Variants in MED13 observed in about 807,000 individuals in gnomAD.
MED13 encodes mediator of RNA polymerase II transcription subunit 13.
A neutral mutation model predicts 225.2 loss-of-function variants in MED13; 23 were observed. The ratio of observed to expected loss-of-function variants is 0.10; its 90% confidence interval spans 0.07 to 0.14. MED13 has a LOEUF of 0.14. Among genes scored for constraint, MED13 ranks in the 10% least tolerant of loss-of-function variants. The probability of loss-of-function intolerance (pLI) is 1.00; values close to 1 mark genes in which losing one functional copy is unlikely to be tolerated. For synonymous variants in MED13, 942 were observed against 889.2 expected (o/e 1.06, Z -1.06); for missense variants, 2,197 against 2,594.5 (o/e 0.85, Z 3.33).
In MED13 at chr17:62,065,172, G is replaced by A. The variant is rs1421697422; in HGVS notation, c.34C>T (p.Leu12=). ...SASFVPNGAS[L]EDCHCNLFCL... ...AAGAGGTTACAGTGACAATCTTCCAGGCTGGCCCCGTTCGGCACGAAGGAG... is the reference window on the plus strand; with the variant it reads ...AAGAGGTTACAGTGACAATCTTCCAAGCTGGCCCCGTTCGGCACGAAGGAG... The change falls in exon 1 of 30, where the codon CTG becomes TTG. Residue 12 remains leucine (L), a synonymous_variant. Transcript: ENST00000397786. 5 of 1,581,308 alleles carry A rather than the reference G, an allele frequency of 3.2e-6. No individual in the cohort carries two copies. The Admixed American group carries it at 7.1e-5, about 22-fold the overall frequency.
At chr17:61,966,301 T>C (rs971868011) in intron 19 of MED13, among the ~76,000 whole-genome samples, 161 bp downstream of exon 19, 2 of 152,178 alleles carry the variant, frequency 1.3e-5, no homozygotes, top group South Asian at 2.1e-4. Context: ...ACAGTCTCTA[T>C]GAAAACTACT....
intron 17 of MED13, among the ~76,000 whole-genome samples, chr17:61,968,643 CAA>C (rs1189493293): frequency 1.3e-5 from 2 of 151,722 alleles, no homozygotes; most frequent in Non-Finnish European, 2.9e-5. Flanking sequence ...ATTTAAATGT[CAA>C]AAGTTAATGA....
chr17:62,009,936 T>C (rs1165439436), intron 9 of MED13, among the ~76,000 whole-genome samples: 1 of 152,052 alleles, frequency 6.6e-6, no homozygotes, highest in East Asian at 1.9e-4. Context: ...AAGTACCAAA[T>C]TGAGGCCAGG....
intron 3 of MED13, among the ~76,000 whole-genome samples, chr17:62,037,927 G>C (rs1402473034): frequency 8.7e-6 from 1 of 115,264 alleles, no homozygotes; most frequent in African/African-American, 3.3e-5. Flanking sequence ...CTGCACTTCA[G>C]CCTGGGCAAC....
chr17:62,022,646 A>C (rs912441980), intron 8 of MED13, among the ~76,000 whole-genome samples: 2 of 152,182 alleles, frequency 1.3e-5, no homozygotes, highest in African/African-American at 4.8e-5. Flanking sequence ...GAGCTATATA[A>C]GTAACTAATA....
At chr17:62,056,327 T>C (rs2080996162) in intron 2 of MED13, among the ~76,000 whole-genome samples, 1 of 152,200 alleles carries the variant, frequency 6.6e-6, no homozygotes, top group Non-Finnish European at 1.5e-5. Flanking sequence ...CTATTTACAC[T>C]AATTGAAACA....
At chr17:61,967,444 T>C (rs538090106) in intron 18 of MED13, among the ~76,000 whole-genome samples, 85 of 152,244 alleles carry the variant, frequency 5.6e-4, no homozygotes, top group African/African-American at 2.0e-3. Context: ...AACATTCAGA[T>C]TGTATAAGGA....
chr17:61,963,700 C>G (rs1358166436), intron 20 of MED13, among the ~76,000 whole-genome samples: 4 of 152,084 alleles, frequency 2.6e-5, no homozygotes, highest in African/African-American at 4.8e-5. Flanking sequence ...TTTTACACTT[C>G]AAATCTATTC....
chr17:62,064,552 CTG>C (rs746936915), intron 1 of MED13, among the ~76,000 whole-genome samples: 9 of 152,176 alleles, frequency 5.9e-5, no homozygotes, highest in African/African-American at 1.9e-4. Flanking sequence ...AAATGGCAAA[CTG>C]TTTTCAAAGT....
intron 8 of MED13, among the ~76,000 whole-genome samples, chr17:62,016,885 CTGT>C (rs2080587294): frequency 6.6e-6 from 1 of 152,016 alleles, no homozygotes; most frequent in Non-Finnish European, 1.5e-5. Context: ...TGGCAGGCGC[CTGT>C]AATCCCAACT....
At chr17:62,016,593 G>A (rs1390724155) in intron 8 of MED13, among the ~76,000 whole-genome samples, 1 of 152,172 alleles carries the variant, frequency 6.6e-6, no homozygotes, top group Admixed American at 6.6e-5. Flanking sequence ...ATTGAGATGT[G>A]CTATAGATGT....
At chr17:61,957,086 G>A (rs1399534013) in intron 23 of MED13, among the ~76,000 whole-genome samples, 2 of 151,652 alleles carry the variant, frequency 1.3e-5, no homozygotes, top group Admixed American at 6.6e-5. Context: ...TCACTCTGTC[G>A]CCCAGGCTGG....
chr17:61,965,536 G>A, intron 19 of MED13, 68 bp from the exon 20 acceptor site: 1 of 1,398,880 alleles, frequency 7.1e-7, no homozygotes, highest in African/African-American at 1.4e-5. Context: ...AAATTCTACT[G>A]TGTAAACAGA....
chr17:62,005,677 A>C (rs1312820166), intron 9 of MED13: 2 of 152,236 alleles, frequency 1.3e-5, no homozygotes, highest in Non-Finnish European at 2.9e-5. Context: ...GGCCAGATGA[A>C]GCACAGGACT....
At chr17:61,996,400 T>C (rs2080347152) in intron 9 of MED13, among the ~76,000 whole-genome samples, 1 of 152,188 alleles carries the variant, frequency 6.6e-6, no homozygotes, top group Non-Finnish European at 1.5e-5. Flanking sequence ...GGCCAGAATC[T>C]TGCAATGACT....
At chr17:62,033,415 A>T (rs899259743) in intron 5 of MED13, among the ~76,000 whole-genome samples, 3 of 152,168 alleles carry the variant, frequency 2.0e-5, no homozygotes, top group South Asian at 2.1e-4. Context: ...TCCCTGCCCC[A>T]ATGACTTTGG....
At chr17:62,043,356 A>G (rs1169116316) in intron 3 of MED13, among the ~76,000 whole-genome samples, 2 of 152,054 alleles carry the variant, frequency 1.3e-5, no homozygotes, top group Non-Finnish European at 2.9e-5. Context: ...GATACATAAT[A>G]ATCTTGATGA....
chr17:61,986,262 C>T (rs984749189), intron 12 of MED13, among the ~76,000 whole-genome samples: 7 of 151,968 alleles, frequency 4.6e-5, no homozygotes, highest in African/African-American at 1.7e-4. Context: ...TACACACACA[C>T]ATATACACAC....
intron 23 of MED13, among the ~76,000 whole-genome samples, chr17:61,957,580 C>A (rs2079958307): frequency 6.6e-6 from 1 of 152,032 alleles, no homozygotes; most frequent in Non-Finnish European, 1.5e-5. Context: ...GAACTCCTGA[C>A]CTCGTGATCC....
Sources: gnomAD v4.1 joint callset for allele counts (sites outside exome capture counted in the v4.1 genomes callset) on GRCh38, gnomAD v4.1.1 for gene constraint, MANE v1.5 for transcripts, NCBI Gene and HGNC (gene_info 2026-07-23, HGNC 2026-07-21) for gene names.